Variants in RUNDC3A observed in about 807,000 individuals in gnomAD.
RUNDC3A encodes the protein RUN domain containing 3A.
RUNDC3A carries 28 observed loss-of-function variants against 53.9 expected under a neutral mutation model. The observed-to-expected ratio is 0.52, with a 90% CI of 0.38 to 0.71. The LOEUF (loss-of-function observed/expected upper bound fraction) is 0.71. Among genes scored for constraint, RUNDC3A ranks in the 30% least tolerant of loss-of-function variants. The pLI is 0.00. For synonymous variants in RUNDC3A, 232 were observed against 249.4 expected (o/e 0.93, Z 0.66); for missense variants, 491 against 597.3 (o/e 0.82, Z 1.85).
rs754034045 is a variant in RUNDC3A, at chr17:44,313,270, A to C, written c.372+18A>C. On this transcript the variant is annotated intron_variant, in intron 3 of 10. Coordinates refer to ENST00000426726, the MANE Select transcript of RUNDC3A (RefSeq NM_001144825.2). ...GGGCCAAGGTGAGGGGCCTGAAGCA[A>C]GCAACTGCTCTCTGCTCTGGACACA... 8 of 1,613,528 alleles carry C rather than the reference A, an allele frequency of 5.0e-6. No homozygotes were observed. The highest frequency in any genetic ancestry group is 6.8e-6 in the Non-Finnish European group (8 of 1,179,586).
chr17:44,316,474 G>A lies in RUNDC3A; in HGVS notation c.1043G>A (p.Gly348Glu), dbSNP rs916530588. ...TPLVNQWPSL[G>E]TLNGAEGASN... ...CTGGTCAATCAATGGCCCTCACTGG[G>A]AACGCTTAATGGGGCCGAGGGCGCC... Residue 348 changes from glycine to glutamate, a missense_variant, in exon 9 of 11, where the codon GGA becomes GAA. Coordinates refer to ENST00000426726, the MANE Select transcript of RUNDC3A (RefSeq NM_001144825.2). 1.9e-6 allele frequency: 3 copies of A among 1,613,476 alleles called. No individual in the cohort carries two copies. Among genetic ancestry groups the A allele is most frequent in the Non-Finnish European group, 8.5e-7 (1 of 1,179,858 alleles).
chr17:44,314,504 G>C, intron 4 of RUNDC3A: 1 of 1,416,744 alleles, frequency 7.1e-7, no homozygotes, highest in Non-Finnish European at 9.2e-7. Flanking sequence ...ATGAGGAAGG[G>C]GTAGCTCAGA....
intron 10 of RUNDC3A, chr17:44,317,542 T>C (rs1455553523): frequency 1.3e-6 from 1 of 780,906 alleles, no homozygotes. Context: ...CTTCAACGCA[T>C]GCACTTTGTG....
At chr17:44,308,986 T>C in intron 1 of RUNDC3A, 47 bp downstream of exon 1, 1 of 1,343,868 alleles carries the variant, frequency 7.4e-7, no homozygotes, top group South Asian at 1.3e-5. Context: ...GGGAGAGGGG[T>C]TGGGGTGGAC....
At chr17:44,309,973 C>T (rs1202767249) in intron 1 of RUNDC3A, 2 of 152,672 alleles carry the variant, frequency 1.3e-5, no homozygotes, top group African/African-American at 4.8e-5. Context: ...GCATCTGTCT[C>T]CCAGCACTAG....
Position 44,315,341 on chromosome 17 carries a change from CGGGGGGCGGGCGGGCCGGGCGG to C in RUNDC3A, c.795+25_795+46del. 1 of 1,019,348 alleles carries C rather than the reference CGGGGGGCGGGCGGGCCGGGCGG, an allele frequency of 9.8e-7. No individual in the cohort carries two copies. The highest frequency in any genetic ancestry group is 1.2e-6 in the Non-Finnish European group (1 of 828,770). 63.1% of individuals were successfully genotyped at this position (1,019,348 alleles called of 1,614,324 possible). ...AGAAGGTGCGCGACGCCGGCGGGCC[CGGGGGGCGGGCGGGCCGGGCGG>C]GGGATCCGGGCATCCCGGGGCGGGG... is the stretch of plus-strand genomic sequence containing the variant. On this transcript the variant is annotated intron_variant, in intron 7 of 10. Coordinates refer to ENST00000426726, the MANE Select transcript of RUNDC3A (RefSeq NM_001144825.2). The surrounding 1 kb of genome is among the most constrained non-coding windows in gnomAD (Gnocchi z 6.1).
At position 44,316,420 on chromosome 17, in the gene RUNDC3A, C is replaced by T. The variant is rs934852731; in HGVS notation, c.989C>T (p.Ala330Val). 6.2e-7 allele frequency: 1 copy of T among 1,613,732 alleles called. No homozygotes were observed. The highest frequency in any genetic ancestry group is 8.5e-7 in the Non-Finnish European group (1 of 1,179,844). Reference protein sequence around the residue: ...GLIPSDHAPLAQGSKELTTPL... With the variant: ...GLIPSDHAPLVQGSKELTTPL... ...ATCCCCAGTGACCACGCCCCTCTGG[C>T]CCAGGGTTCCAAGGAGCTCACTACA... Residue 330 changes from alanine to valine, a missense_variant, in exon 9 of 11, where the codon GCC (alanine) becomes GTC (valine). By Grantham distance (64) the Ala-to-Val change is moderately conservative. Transcript: ENST00000426726.
Position 44,308,738 on chromosome 17 carries a change from C to T in RUNDC3A, c.-95C>T. The stretch of plus-strand genomic sequence containing the variant: ...CCATGGAAGGGTTGAGGGGCCCCGT[C>T]GGACAGAGGGCCCAGCCGTGATCCA... On this transcript the variant is annotated 5_prime_UTR_variant, in exon 1 of 11. Transcript: ENST00000426726. The T allele has an allele frequency of 1.3e-6, 1 of 771,752 alleles. No individual in the cohort carries two copies. The highest frequency in any genetic ancestry group is 2.0e-6 in the Non-Finnish European group (1 of 510,108). 47.8% of individuals were successfully genotyped at this position (771,752 alleles called of 1,614,324 possible). A position where few individuals can be genotyped will look rare whatever the true frequency, so the allele number is the denominator to read the frequency against.
rs574271631 is a variant in RUNDC3A, at chr17:44,313,353, C to T, written c.373-65C>T. The T allele has an allele frequency of 1.4e-5, 22 of 1,609,324 alleles. No individual in the cohort carries two copies. In the South Asian group the frequency reaches 2.2e-4, roughly 16 times the overall value. On this transcript the variant is annotated intron_variant, in intron 3 of 10. Coordinates refer to ENST00000426726, the MANE Select transcript of RUNDC3A (RefSeq NM_001144825.2). ...TGTGCACAGCCCAGGGGAGAAGGGC[C>T]CACACCTGATGCTGGACACATGAGT...
chr17:44,314,544 C>G (rs534348327), intron 4 of RUNDC3A, 191 bp from the exon 5 acceptor site: 5 of 1,432,012 alleles, frequency 3.5e-6, no homozygotes, highest in Non-Finnish European at 4.6e-6. Flanking sequence ...AACACCCATT[C>G]TAGGTGATGG....
At chr17:44,314,605 C>A in intron 4 of RUNDC3A, 130 bp from the exon 5 acceptor site, 1 of 1,452,282 alleles carries the variant, frequency 6.9e-7, no homozygotes. Context: ...TCCAGGCCTG[C>A]GTGCAGATCA....
intron 1 of RUNDC3A, chr17:44,310,074 T>A (rs2047721283): frequency 6.6e-6 from 1 of 152,548 alleles, no homozygotes; most frequent in Non-Finnish European, 1.5e-5. Flanking sequence ...CAGCCCACAG[T>A]GCAGGGCACT....
Position 44,310,842 on chromosome 17 carries a change from G to A in RUNDC3A, c.108-1738G>A, listed in dbSNP as rs1369350281. 4 of 985,406 alleles carry A rather than the reference G, an allele frequency of 4.1e-6. No homozygotes were observed. The South Asian group carries it at 1.4e-4, about 35-fold the overall frequency. The allele number at this position is 985,406 out of a possible 1,614,324, so 61.0% of individuals were successfully genotyped here. On this transcript the variant is annotated intron_variant, in intron 1 of 10. Coordinates refer to ENST00000426726, the MANE Select transcript of RUNDC3A (RefSeq NM_001144825.2). ...GACCCAGATGACCAGGGGAAATCAA[G>A]CTGGCAGGAGGGTGCGCATAGTGAA...
chr17:44,312,438 T>G (rs1355370389), intron 1 of RUNDC3A, 142 bp from the exon 2 acceptor site: 1 of 617,332 alleles, frequency 1.6e-6, no homozygotes, highest in Non-Finnish European at 2.9e-6. Flanking sequence ...TAGTCTTGCC[T>G]GTCTCCCCAC....
chr17:44,311,531 A>C, intron 1 of RUNDC3A: 2 of 173,684 alleles, frequency 1.2e-5, no homozygotes, highest in Non-Finnish European at 1.1e-5. Context: ...AATGCATGCA[A>C]AGTACTGTGC....
chr17:44,315,475 T>TCTGC lies in RUNDC3A; in HGVS notation c.820_823dup (p.Arg275ProfsTer52). The TCTGC allele has an allele frequency of 6.7e-7, 1 of 1,503,084 alleles. No individual in the cohort carries two copies. Among genetic ancestry groups the TCTGC allele is most frequent in the Non-Finnish European group, 8.9e-7 (1 of 1,127,010 alleles). The allele number at this position is 1,503,084 out of a possible 1,614,324, so 93.1% of individuals were successfully genotyped here. On this transcript the variant is annotated frameshift_variant, in exon 8 of 11. Coordinates refer to ENST00000426726, the MANE Select transcript of RUNDC3A (RefSeq NM_001144825.2). LOFTEE classifies it high-confidence loss of function. The surrounding 1 kb of genome is among the most constrained non-coding windows in gnomAD (Gnocchi z 6.1). ...AGGGCTACCTGGAGGAGCTGGTGCG[T>TCTGC]CTGCGCGAGTCGCAGCTGAAGGACC...
chr17:44,309,552 T>C (rs1267397625), intron 1 of RUNDC3A, among the ~76,000 whole-genome samples: 2 of 152,086 alleles, frequency 1.3e-5, no homozygotes, highest in African/African-American at 4.8e-5. Flanking sequence ...GGTGGAACGG[T>C]TGCAGGGTTG....
intron 1 of RUNDC3A, chr17:44,310,934 T>A: frequency 1.0e-6 from 1 of 985,438 alleles, no homozygotes; most frequent in Non-Finnish European, 1.2e-6. Flanking sequence ...ACGACCCCGC[T>A]CCTCACCATC....
chr17:44,315,071 C>T lies in RUNDC3A; in HGVS notation c.629+62C>T. The T allele has an allele frequency of 2.5e-6, 4 of 1,609,620 alleles. No individual in the cohort carries two copies. Among genetic ancestry groups the T allele is most frequent in the South Asian group, 1.1e-5 (1 of 90,940 alleles). ...GGGCCTCGGGACATCCTGGGGACGT[C>T]CTGGTCCCACCGCCCTCAGCGGCCA... On this transcript the variant is annotated intron_variant, in intron 6 of 10. Coordinates refer to ENST00000426726, the MANE Select transcript of RUNDC3A (RefSeq NM_001144825.2). This position sits in a 1 kb window ranked among gnomAD's most constrained non-coding sequence, Gnocchi z 6.1.
Sources: allele counts gnomAD v4.1 joint callset (sites outside exome capture counted in the v4.1 genomes callset), GRCh38; gene constraint gnomAD v4.1.1; non-coding constraint Gnocchi (gnomAD v3.1); transcripts MANE v1.5; gene names NCBI Gene and HGNC (gene_info 2026-07-23, HGNC 2026-07-21).